CSF1R: variants seen among roughly 807,000 people sequenced by gnomAD.
CSF1R encodes colony stimulating factor 1 receptor.
Under a neutral mutation model 110.0 loss-of-function variants are expected in CSF1R, and 40 were observed. The observed-to-expected ratio is 0.36, with a 90% CI of 0.28 to 0.47. CSF1R has a LOEUF of 0.47. Ranked by LOEUF, CSF1R falls within the 20% of genes least tolerant of loss-of-function variation. CSF1R has a pLI of 0.99. For missense variants in CSF1R, 1,052 were observed against 1,253.0 expected (o/e 0.84, Z 2.42); for synonymous variants, 523 against 503.4 (o/e 1.04, Z -0.52).
chr5:150,080,777 G>C lies in CSF1R; in HGVS notation c.297C>G (p.Leu99=), dbSNP rs1758501563. Residue 99 remains leucine (L), a synonymous_variant, in exon 2 of 21, where the codon CTC becomes CTG. Transcript: ENST00000675795. The part of the protein sequence containing the change: ...DPLGGSAAIH[L]YVKDPARPWN... ...GCTCAGACTCCTCACCTTTGACATA[G>C]AGGTGGATGGCGGCGCTGCCTCCCA... 1.2e-6 allele frequency: 2 copies of C among 1,614,136 alleles called. No individual in the cohort carries two copies. Among genetic ancestry groups the C allele is most frequent in the Non-Finnish European group, 1.7e-6 (2 of 1,180,000 alleles).
intron 1 of CSF1R, chr5:150,113,175 G>A (rs1026122606): frequency 6.6e-6 from 1 of 152,540 alleles, no homozygotes; most frequent in Admixed American, 6.5e-5. Flanking sequence ...CTGCAGCCGT[G>A]AGGGGTCTGG....
intron 14 of CSF1R, chr5:150,058,101 A>T (rs1757333809): frequency 2.5e-6 from 1 of 406,890 alleles, no homozygotes; most frequent in Non-Finnish European, 4.9e-6. Flanking sequence ...TCCCCAGGTG[A>T]TCACAAAGTA....
intron 8 of CSF1R, 25 bp from the exon 9 acceptor site, chr5:150,070,088 G>C: frequency 6.2e-7 from 1 of 1,610,726 alleles, no homozygotes; most frequent in Non-Finnish European, 8.5e-7. Flanking sequence ...ATGTGGCTCA[G>C]AGCTTCAGGG....
In CSF1R at chr5:150,080,214, G is replaced by T; in HGVS notation, c.430C>A (p.Arg144Ser). The T allele has an allele frequency of 1.2e-6, 2 of 1,613,706 alleles. No homozygotes were observed. The highest frequency in any genetic ancestry group is 1.7e-6 in the Non-Finnish European group (2 of 1,180,044). ...GTGTGGCGCATGAGGGGCCGGCCAC[G>T]CACACGCACCAGCGAGACGCCTGCT... ...LEAGVSLVRV[R>S]GRPLMRHTNY... The change falls in exon 3 of 21, where the codon CGT (arginine) becomes AGT (serine). Residue 144 changes from arginine (R) to serine (S), a missense_variant. Physicochemically the swap from Arg to Ser is moderately radical, Grantham distance 110. Around this residue, in one of 5 missense-constraint regions of CSF1R, gnomAD observed 693 missense variants for 735.4 expected, o/e 0.94. Coordinates refer to ENST00000675795, the MANE Select transcript of CSF1R (RefSeq NM_001288705.3).
At chr5:150,073,159 G>C in intron 6 of CSF1R, 142 bp downstream of exon 6, 1 of 760,586 alleles carries the variant, frequency 1.3e-6, no homozygotes, top group Non-Finnish European at 2.1e-6. Flanking sequence ...CATGAAGTCA[G>C]GGAAAGCGAA....
intron 9 of CSF1R, 34 bp downstream of exon 9, chr5:150,069,839 G>T (rs1225924900): frequency 4.4e-6 from 5 of 1,129,224 alleles, no homozygotes; most frequent in East Asian, 4.8e-5. Flanking sequence ...GGGGCGGGCG[G>T]GGGGGCGGTG....
In CSF1R at chr5:150,067,632, G is replaced by A. The variant is rs146997939; in HGVS notation, c.1626+583C>T. On this transcript the variant is annotated intron_variant, in intron 10 of 20. Transcript: ENST00000675795. Reference sequence around the variant, plus strand: ...GGACAGTAACATGAAATAATGAAGAGGATGATGGTCACAGGCCCTCGTCTT... The same window carrying A: ...GGACAGTAACATGAAATAATGAAGAAGATGATGGTCACAGGCCCTCGTCTT... Among the ~76,000 whole-genome samples the A allele has an allele frequency of 4.3e-3, 650 of 152,298 alleles. 6 individuals are homozygous for A. The highest frequency in any genetic ancestry group is 0.015 in the African/African-American group (620 of 41,572).
Position 150,054,051 on chromosome 5 carries a change from C to G in CSF1R, c.*18G>C. ...AAGTTTGTGGGAGGGGAGAGTGGTACTCCCTGTCGTCAACTCCTCAGCAGA... is the reference window on the plus strand; with the variant it reads ...AAGTTTGTGGGAGGGGAGAGTGGTAGTCCCTGTCGTCAACTCCTCAGCAGA... On this transcript the variant is annotated 3_prime_UTR_variant, in exon 21 of 21. Transcript: ENST00000675795. The G allele has an allele frequency of 6.2e-7, 1 of 1,613,338 alleles. No homozygotes were observed. The highest frequency in any genetic ancestry group is 8.5e-7 in the Non-Finnish European group (1 of 1,179,542).
intron 1 of CSF1R, among the ~76,000 whole-genome samples, chr5:150,095,412 T>A (rs1759191898): frequency 6.6e-6 from 1 of 152,134 alleles, no homozygotes; most frequent in Non-Finnish European, 1.5e-5. Context: ...TTTAAATAAG[T>A]TATGCAAAGT....
intron 1 of CSF1R, among the ~76,000 whole-genome samples, chr5:150,106,065 A>T (rs1419082123): frequency 1.3e-5 from 2 of 152,234 alleles, no homozygotes; most frequent in Non-Finnish European, 2.9e-5. Flanking sequence ...AATGACCAGC[A>T]CACTGCACAG....
chr5:150,083,669 G>A (rs1337139003), intron 1 of CSF1R, among the ~76,000 whole-genome samples: 2 of 151,924 alleles, frequency 1.3e-5, no homozygotes, highest in African/African-American at 4.8e-5. Flanking sequence ...AAAAACTTGG[G>A]ACCCTAATTC....
chr5:150,076,070 C>A (rs1292142424), intron 5 of CSF1R, among the ~76,000 whole-genome samples: 2 of 152,256 alleles, frequency 1.3e-5, no homozygotes, highest in African/African-American at 4.8e-5. Context: ...GCTTCAGGGT[C>A]TGAGTCCAGT....
At chr5:150,091,651 TG>T (rs1326676803) in intron 1 of CSF1R, among the ~76,000 whole-genome samples, 1 of 152,130 alleles carries the variant, frequency 6.6e-6, no homozygotes, top group Non-Finnish European at 1.5e-5. Context: ...GGTTTTGTTT[TG>T]GGGTGATGAA....
At chr5:150,062,217 C>T (rs1757564006) in intron 10 of CSF1R, among the ~76,000 whole-genome samples, 1 of 115,548 alleles carries the variant, frequency 8.7e-6, no homozygotes, top group Non-Finnish European at 1.9e-5. Flanking sequence ...ATCCATCTAC[C>T]CATCCATCCA....
chr5:150,070,450 A>G lies in CSF1R; in HGVS notation c.1198+6T>C, dbSNP rs1354748330. ...GCCCCAGGTGGCGCTCGGCCCCAGC[A>G]CTCACATCGAAGGGTGAGCTCAAAC... is the stretch of plus-strand genomic sequence containing the variant. On this transcript the variant is annotated splice_donor_region_variant and intron_variant, in intron 7 of 20. Transcript: ENST00000675795. 6.4e-7 allele frequency: 1 copy of G among 1,553,486 alleles called. No homozygotes were observed.
At chr5:150,077,081 TG>T in intron 5 of CSF1R, 194 bp downstream of exon 5, 1 of 695,710 alleles carries the variant, frequency 1.4e-6, no homozygotes, top group South Asian at 1.7e-5. Flanking sequence ...AGCTCCAAGA[TG>T]GGAGAGAGAT....
At chr5:150,056,995 G>C (rs1316535533) in intron 16 of CSF1R, among the ~76,000 whole-genome samples, 1 of 152,086 alleles carries the variant, frequency 6.6e-6, no homozygotes, top group Non-Finnish European at 1.5e-5. Context: ...TGCTTTATGA[G>C]CAGAGACAAC....
In CSF1R at chr5:150,069,837, C is replaced by CG. The variant is rs756780006; in HGVS notation, c.1510+35dup. 3.8e-4 allele frequency: 514 copies of CG among 1,369,246 alleles called. 2 individuals carry two copies. The highest frequency in any genetic ancestry group is 2.4e-3 in the Middle Eastern group (9 of 3,792). 84.8% of individuals were successfully genotyped at this position (1,369,246 alleles called of 1,614,324 possible). Reference sequence around the variant, plus strand: ...TAAAGGAGCAGGGGCGGGGGGCGGGCGGGGGGGCGGTGCGGGTGCGAAGGC... The same window carrying CG: ...TAAAGGAGCAGGGGCGGGGGGCGGGCGGGGGGGGCGGTGCGGGTGCGAAGGC... On this transcript the variant is annotated intron_variant, in intron 9 of 20. Coordinates refer to ENST00000675795, the MANE Select transcript of CSF1R (RefSeq NM_001288705.3).
intron 1 of CSF1R, among the ~76,000 whole-genome samples, chr5:150,098,677 T>C (rs576016235): frequency 6.6e-6 from 1 of 152,116 alleles, no homozygotes; most frequent in South Asian, 2.1e-4. Context: ...TGAAAATAAA[T>C]GATTCAGTAA....
Sources: allele counts gnomAD v4.1 joint callset (sites outside exome capture counted in the v4.1 genomes callset), GRCh38; gene constraint gnomAD v4.1.1; regional missense constraint gnomAD v4.1.1; transcripts MANE v1.5; gene names NCBI Gene and HGNC (gene_info 2026-07-23, HGNC 2026-07-21).